The following WWOX variants were observed in gnomAD, a reference collection of about 807,000 sequenced individuals.
WWOX encodes WW domain-containing oxidoreductase.
A neutral mutation model predicts 46.2 loss-of-function variants in WWOX; 69 were observed. The ratio of observed to expected loss-of-function variants is 1.49; its 90% CI spans 1.23 to 1.82. The LOEUF is 1.82. Ranked by LOEUF, WWOX falls within the 40% of genes most tolerant of loss-of-function variation. The pLI is 0.00. For missense variants in WWOX, 919 were observed against 542.6 expected (o/e 1.69, Z -6.89); for synonymous variants, 359 against 202.6 (o/e 1.77, Z -6.56).
At chr16:78,365,248 G>A (rs966791698) in intron 5 of WWOX, among the ~76,000 whole-genome samples, 1 of 152,186 alleles carries the variant, frequency 6.6e-6, no homozygotes, top group South Asian at 2.1e-4. Context: ...GACATTATCA[G>A]TGTGATTGTC....
chr16:78,659,381 C>A (rs1051009181), intron 8 of WWOX, among the ~76,000 whole-genome samples: 1 of 152,104 alleles, frequency 6.6e-6, no homozygotes, highest in Non-Finnish European at 1.5e-5. Flanking sequence ...TCAGGGTCAT[C>A]TGGGAACTTG....
chr16:79,070,654 G>T (rs1212780289), intron 8 of WWOX, among the ~76,000 whole-genome samples: 1 of 152,188 alleles, frequency 6.6e-6, no homozygotes, highest in Admixed American at 6.5e-5. Context: ...GGGCGTGAGA[G>T]GGTATGCGAG....
chr16:78,136,043 G>A (rs2033779719), intron 4 of WWOX, among the ~76,000 whole-genome samples: 1 of 152,100 alleles, frequency 6.6e-6, no homozygotes, highest in Non-Finnish European at 1.5e-5. Context: ...ATTTTCTTAT[G>A]GCTTTTTCAT....
At chr16:78,906,929 G>A (rs572169730) in intron 8 of WWOX, among the ~76,000 whole-genome samples, 4 of 152,260 alleles carry the variant, frequency 2.6e-5, no homozygotes, top group Admixed American at 2.0e-4. Flanking sequence ...AAATAATTAC[G>A]CAAATAAGCT....
intron 8 of WWOX, among the ~76,000 whole-genome samples, chr16:78,542,423 C>T (rs74029539): frequency 0.027 from 4,060 of 152,224 alleles, 146 homozygotes; most frequent in African/African-American, 0.086. Flanking sequence ...TGCAGTCAGC[C>T]TAGTCCCCCA....
intron 8 of WWOX, among the ~76,000 whole-genome samples, chr16:78,762,562 C>A (rs1175883964): frequency 6.6e-6 from 1 of 152,212 alleles, no homozygotes; most frequent in Non-Finnish European, 1.5e-5. Flanking sequence ...CACACTGCTG[C>A]CATGAGTCGA....
intron 8 of WWOX, among the ~76,000 whole-genome samples, chr16:78,442,911 A>C (rs2083476442): frequency 6.6e-6 from 1 of 152,056 alleles, no homozygotes; most frequent in Non-Finnish European, 1.5e-5. Flanking sequence ...TCACGAGGTC[A>C]GGAGATTGAG....
At chr16:78,913,906 C>T (rs546430311) in intron 8 of WWOX, among the ~76,000 whole-genome samples, 4 of 152,106 alleles carry the variant, frequency 2.6e-5, no homozygotes, top group African/African-American at 9.6e-5. Context: ...AGTGATCCTC[C>T]TGCCTTGGCC....
At chr16:78,849,551 G>C (rs111722051) in intron 8 of WWOX, among the ~76,000 whole-genome samples, 5,414 of 138,072 alleles carry the variant, frequency 0.039, 329 homozygotes, top group African/African-American at 0.14. Flanking sequence ...TCCGGCCTGG[G>C]TGACAGAGCC....
intron 8 of WWOX, among the ~76,000 whole-genome samples, chr16:78,769,319 C>G (rs1410709769): frequency 1.3e-5 from 2 of 152,176 alleles, no homozygotes; most frequent in South Asian, 2.1e-4. Flanking sequence ...CATCCTGCCT[C>G]CCTCCATCCT....
chr16:78,408,105 C>G (rs906046074), intron 6 of WWOX, among the ~76,000 whole-genome samples: 2 of 152,074 alleles, frequency 1.3e-5, no homozygotes, highest in African/African-American at 4.8e-5. Context: ...TGTTGAAACC[C>G]CACTTCCAAG....
At chr16:78,492,558 G>A (rs1015765994) in intron 8 of WWOX, among the ~76,000 whole-genome samples, 1 of 152,148 alleles carries the variant, frequency 6.6e-6, no homozygotes, top group Non-Finnish European at 1.5e-5. Context: ...TGACCCTGGG[G>A]ACTAAGCCCA....
chr16:78,697,097 C>G (rs2142283462), intron 8 of WWOX, among the ~76,000 whole-genome samples: 1 of 152,260 alleles, frequency 6.6e-6, no homozygotes, highest in East Asian at 1.9e-4. Context: ...CACATTTTTG[C>G]AATTGTGAAT....
At chr16:78,114,458 T>C (rs1465874904) in intron 3 of WWOX, among the ~76,000 whole-genome samples, 1 of 152,206 alleles carries the variant, frequency 6.6e-6, no homozygotes, top group Non-Finnish European at 1.5e-5. Context: ...TCAAAATGAG[T>C]GCTCGTAGGA....
At chr16:78,565,485 G>T (rs1044073466) in intron 8 of WWOX, among the ~76,000 whole-genome samples, 1 of 152,046 alleles carries the variant, frequency 6.6e-6, no homozygotes, top group Non-Finnish European at 1.5e-5. Flanking sequence ...TTCCTCTTCC[G>T]TTGTCCCATC....
intron 5 of WWOX, among the ~76,000 whole-genome samples, chr16:78,166,351 A>G (rs2034970604): frequency 6.6e-6 from 1 of 152,080 alleles, no homozygotes; most frequent in Non-Finnish European, 1.5e-5. Context: ...GGTGTTTCAC[A>G]GTTCTCTCTT....
intron 8 of WWOX, among the ~76,000 whole-genome samples, chr16:78,435,648 T>A (rs2083319002): frequency 6.6e-6 from 1 of 152,014 alleles, no homozygotes; most frequent in African/African-American, 2.4e-5. Context: ...TCCCTTGTAG[T>A]TGAGATGGGA....
intron 8 of WWOX, among the ~76,000 whole-genome samples, chr16:79,155,044 G>A (rs1333878731): frequency 2.0e-5 from 3 of 152,216 alleles, no homozygotes; most frequent in African/African-American, 7.2e-5. Context: ...TAGGGTTCTA[G>A]ATTCTTCTAG....
intron 8 of WWOX, among the ~76,000 whole-genome samples, chr16:78,882,907 A>G (rs1236132290): frequency 1.3e-5 from 2 of 152,108 alleles, no homozygotes; most frequent in Non-Finnish European, 2.9e-5. Context: ...AAACTGGAAC[A>G]GAGCATAGCC....
Sources: gnomAD v4.1 joint callset for allele counts (sites outside exome capture counted in the v4.1 genomes callset) on GRCh38, gnomAD v4.1.1 for gene constraint, MANE v1.5 for transcripts, NCBI Gene and HGNC (gene_info 2026-07-23, HGNC 2026-07-21) for gene names.